Variants in PRKG2 observed in about 807,000 individuals in gnomAD.
PRKG2 encodes the protein cGMP-dependent protein kinase 2.
A neutral mutation model predicts 97.2 loss-of-function variants in PRKG2; 33 were observed. The observed-to-expected ratio is 0.34, with a 90% CI of 0.26 to 0.45. The LOEUF (loss-of-function observed/expected upper bound fraction) is 0.45. PRKG2 is among the 20% of genes least tolerant of loss of function. PRKG2 has a pLI of 1.00. For synonymous variants in PRKG2, 330 were observed against 321.8 expected, an observed-to-expected ratio of 1.03 and a Z score of -0.27; for missense variants, 638 against 900.0, an observed-to-expected ratio of 0.71 and a Z score of 3.73.
upstream of PRKG2, among the ~76,000 whole-genome samples, chr4:81,216,891 T>TTG (rs68179456): frequency 0.16 from 20,997 of 131,314 alleles, 1,696 homozygotes; most frequent in East Asian, 0.27. Flanking sequence ...TAGTATTCCA[T>TTG]TGTGTGTGTG....
chr4:81,096,168 T>C (rs1033518159), intron 17 of PRKG2, among the ~76,000 whole-genome samples: 1 of 152,204 alleles, frequency 6.6e-6, no homozygotes, highest in African/African-American at 2.4e-5. Context: ...GCTGTATTGA[T>C]TAACTTTTCA....
chr4:81,185,422 A>C (rs1375807164), intron 2 of PRKG2, among the ~76,000 whole-genome samples: 1 of 152,226 alleles, frequency 6.6e-6, no homozygotes, highest in Non-Finnish European at 1.5e-5. Context: ...CAAACAAGCA[A>C]ATGCTGAGAG....
intron 14 of PRKG2, among the ~76,000 whole-genome samples, chr4:81,121,586 G>C (rs920332915): frequency 2.0e-5 from 3 of 151,110 alleles, no homozygotes; most frequent in Non-Finnish European, 2.9e-5. Context: ...TGTAGACACA[G>C]AGCTCTTCAC....
intron 2 of PRKG2, among the ~76,000 whole-genome samples, chr4:81,200,380 C>A (rs982596636): frequency 6.6e-6 from 1 of 152,196 alleles, no homozygotes; most frequent in African/African-American, 2.4e-5. Flanking sequence ...CAGACCTCAG[C>A]TCTAAGGATC....
intron 6 of PRKG2, among the ~76,000 whole-genome samples, chr4:81,156,347 T>C (rs1749090866): frequency 2.0e-5 from 3 of 152,162 alleles, no homozygotes; most frequent in Admixed American, 6.5e-5. Flanking sequence ...CATTATTTAA[T>C]GGTAAAGGGA....
chr4:81,108,730 G>A (rs1467900655), intron 15 of PRKG2, among the ~76,000 whole-genome samples: 1 of 151,844 alleles, frequency 6.6e-6, no homozygotes, highest in African/African-American at 2.4e-5. Context: ...TACCATTTCT[G>A]CAAAAAAATT....
At chr4:81,164,041 C>T (rs1232295718) in intron 6 of PRKG2, among the ~76,000 whole-genome samples, 1 of 152,156 alleles carries the variant, frequency 6.6e-6, no homozygotes, top group African/African-American at 2.4e-5. Context: ...AAGGCAAGCA[C>T]ACCTGGATCA....
At chr4:81,112,821 C>T (rs923468842) in intron 14 of PRKG2, among the ~76,000 whole-genome samples, 3 of 152,262 alleles carry the variant, frequency 2.0e-5, no homozygotes, top group South Asian at 2.1e-4. Flanking sequence ...ATAAAAATCA[C>T]GCTATGTCTG....
chr4:81,149,057 A>G (rs1748129954), intron 8 of PRKG2, 105 bp from the exon 9 acceptor site: 3 of 1,056,364 alleles, frequency 2.8e-6, no homozygotes, highest in Non-Finnish European at 4.4e-6. Flanking sequence ...ACCATCACTT[A>G]CACCTCCCAA....
intron 1 of PRKG2, among the ~76,000 whole-genome samples, chr4:81,214,617 CA>C (rs1463169437): frequency 1.3e-5 from 2 of 152,142 alleles, no homozygotes; most frequent in Non-Finnish European, 1.5e-5. Context: ...CAACAGCCTC[CA>C]CCGCTTCTCC....
intron 9 of PRKG2, among the ~76,000 whole-genome samples, chr4:81,145,569 G>A (rs1747780875): frequency 6.6e-6 from 1 of 151,968 alleles, no homozygotes; most frequent in African/African-American, 2.4e-5. Flanking sequence ...TAATCACTCT[G>A]TCTCCTGTCC....
intron 6 of PRKG2, among the ~76,000 whole-genome samples, chr4:81,155,282 T>C (rs1748940988): frequency 2.0e-5 from 3 of 151,260 alleles, no homozygotes; most frequent in Non-Finnish European, 4.4e-5. Flanking sequence ...ACGTGAAGAA[T>C]GCAGAAGCCT....
intron 2 of PRKG2, among the ~76,000 whole-genome samples, chr4:81,202,990 T>C (rs1370284865): frequency 1.3e-5 from 2 of 151,924 alleles, no homozygotes; most frequent in Non-Finnish European, 2.9e-5. Context: ...TACATTGCTA[T>C]TTGTAACATT....
chr4:81,097,333 G>T (rs1050994294), intron 17 of PRKG2, among the ~76,000 whole-genome samples: 1 of 152,136 alleles, frequency 6.6e-6, no homozygotes, highest in Non-Finnish European at 1.5e-5. Context: ...CGAGCAGGAG[G>T]TCTCAAGAGT....
chr4:81,116,245 C>T (rs1744506064), intron 14 of PRKG2, among the ~76,000 whole-genome samples: 1 of 152,078 alleles, frequency 6.6e-6, no homozygotes, highest in Admixed American at 6.6e-5. Context: ...TCCATATATA[C>T]TCAATATTTA....
At chr4:81,212,540 T>G (rs1754035833) in intron 1 of PRKG2, among the ~76,000 whole-genome samples, 1 of 152,114 alleles carries the variant, frequency 6.6e-6, no homozygotes, top group Admixed American at 6.5e-5. Flanking sequence ...TTGACCAAAA[T>G]GAGGAGCAGA....
intron 6 of PRKG2, among the ~76,000 whole-genome samples, chr4:81,155,069 T>C (rs933185662): frequency 6.8e-6 from 1 of 147,272 alleles, no homozygotes; most frequent in Admixed American, 6.7e-5. Context: ...TCCCAGCTAC[T>C]TGGGAGGCTG....
chr4:81,096,095 C>A (rs557240244), intron 17 of PRKG2, among the ~76,000 whole-genome samples: 29 of 152,212 alleles, frequency 1.9e-4, no homozygotes, highest in Middle Eastern at 6.8e-3. Context: ...CTGACAAGGG[C>A]AGGGGTCGCT....
chr4:81,216,405 A>T (rs1754274863), upstream of PRKG2, among the ~76,000 whole-genome samples: 1 of 152,170 alleles, frequency 6.6e-6, no homozygotes, highest in African/African-American at 2.4e-5. Flanking sequence ...AGTGAGGAAG[A>T]ATTCCACAAG....
Sources: gnomAD v4.1 joint callset for allele counts (sites outside exome capture counted in the v4.1 genomes callset) on GRCh38, gnomAD v4.1.1 for gene constraint, MANE v1.5 for transcripts, NCBI Gene and HGNC (gene_info 2026-07-23, HGNC 2026-07-21) for gene names.